The following KMT5A variants were observed in gnomAD, a reference collection of about 807,000 sequenced individuals.
The protein encoded by KMT5A is lysine methyltransferase 5A.
In KMT5A, 6 loss-of-function variants were observed where a neutral mutation model predicts 40.6. The observed-to-expected ratio is 0.15, with a 90% CI of 0.08 to 0.29. KMT5A has a LOEUF of 0.29. KMT5A is among the 10% of genes least tolerant of loss of function. KMT5A has a pLI of 1.00. For synonymous variants in KMT5A, 153 were observed against 178.8 expected, an observed-to-expected ratio of 0.86 and a Z score of 1.15; for missense variants, 308 against 459.1, an observed-to-expected ratio of 0.67 and a Z score of 3.01.
At chr12:123,403,431 A>T in intron 5 of KMT5A, 142 bp from the exon 6 acceptor site, 2 of 748,958 alleles carry the variant, frequency 2.7e-6, no homozygotes, top group South Asian at 3.4e-5. Context: ...ATCACTGGGG[A>T]CCCATCATCC....
intron 3 of KMT5A, among the ~76,000 whole-genome samples, chr12:123,394,104 C>CTTTTTTT (rs397711320): frequency 1.6e-5 from 2 of 125,076 alleles, no homozygotes; most frequent in Non-Finnish European, 3.2e-5. Flanking sequence ...ATTTTTTTTT[C>CTTTTTTT]TTTTTTTTTT....
intron 1 of KMT5A, chr12:123,388,487 C>A (rs1877002439): frequency 6.6e-6 from 1 of 152,278 alleles, no homozygotes; most frequent in Non-Finnish European, 1.5e-5. Flanking sequence ...TGACACCTGG[C>A]CCCATCACTT....
chr12:123,398,156 C>T (rs1421777943), intron 5 of KMT5A, among the ~76,000 whole-genome samples: 1 of 152,006 alleles, frequency 6.6e-6, no homozygotes, highest in Non-Finnish European at 1.5e-5. Flanking sequence ...ATGGCAGGTG[C>T]CTGTAATCCC....
At chr12:123,404,627 A>C (rs1334664445) in intron 6 of KMT5A, among the ~76,000 whole-genome samples, 1 of 152,184 alleles carries the variant, frequency 6.6e-6, no homozygotes, top group African/African-American at 2.4e-5. Context: ...CTCTGATGTA[A>C]CTGCTTTGCA....
chr12:123,408,566 CTTTTTTTTTTT>C lies in KMT5A; in HGVS notation c.*873_*883del, dbSNP rs57847836. The C allele has an allele frequency of 8.7e-5, 8 of 91,860 alleles. No individual in the cohort carries two copies. The highest frequency in any genetic ancestry group is 1.4e-4 in the Non-Finnish European group (6 of 43,648). 5.7% of individuals were successfully genotyped at this position (91,860 alleles called of 1,614,324 possible). A position where few individuals can be genotyped will look rare whatever the true frequency, so the allele number is the denominator to read the frequency against. On this transcript the variant is annotated 3_prime_UTR_variant, in exon 8 of 8. Transcript: ENST00000402868. Reference sequence around the variant, plus strand: ...GGTCTTGAAGTGAGTGAAGTGGCTGCTTTTTTTTTTTTTTTTTTTTGCTTTTTTTTGCTTTT... The same window carrying C: ...GGTCTTGAAGTGAGTGAAGTGGCTGCTTTTTTTTTGCTTTTTTTTGCTTTT...
chr12:123,390,565 T>G (rs550573271), intron 2 of KMT5A, 65 bp from the exon 3 acceptor site: 1 of 1,561,784 alleles, frequency 6.4e-7, no homozygotes, highest in Non-Finnish European at 8.7e-7. Context: ...GTATTCCTCC[T>G]CCTCGTGAAT....
rs1396531320 is a variant in KMT5A, at chr12:123,407,526, A to G, written c.882A>G (p.Gly294=). 6.2e-7 allele frequency: 1 copy of G among 1,613,884 alleles called. No individual in the cohort carries two copies. The highest frequency in any genetic ancestry group is 8.5e-7 in the Non-Finnish European group (1 of 1,179,840). ...VDATRETNRL[G]RLINHSKCGN... ...CAACTAGAGAGACAAATCGCCTAGG[A>G]AGACTGATCAATCACAGCAAATGTG... Residue 294 remains glycine, a synonymous_variant, in exon 8 of 8, where the codon GGA becomes GGG. Transcript: ENST00000402868.
intron 6 of KMT5A, 97 bp downstream of exon 6, chr12:123,403,729 C>T (rs1186485524): frequency 2.2e-6 from 3 of 1,334,420 alleles, no homozygotes; most frequent in Non-Finnish European, 3.2e-6. Context: ...TGGCTTTCAC[C>T]CTCTAATGGC....
chr12:123,390,117 C>T, intron 2 of KMT5A: 1 of 468,406 alleles, frequency 2.1e-6, no homozygotes, highest in Non-Finnish European at 4.4e-6. Context: ...CGTCGCAGCC[C>T]TGGAGGCTGC....
chr12:123,394,899 G>A lies in KMT5A; in HGVS notation c.290-148G>A, dbSNP rs529047948. On this transcript the variant is annotated intron_variant, in intron 3 of 7. Coordinates refer to ENST00000402868, the MANE Select transcript of KMT5A (RefSeq NM_020382.7). ...CACTCCCCCTGTCATAGCCCATAGC[G>A]GACACGGGGCTTAACAGGCCAAGGG... The A allele has an allele frequency of 7.2e-6, 5 of 691,610 alleles. No individual in the cohort carries two copies. In the East Asian group the frequency reaches 1.4e-4, roughly 19 times the overall value. The allele number at this position is 691,610 out of a possible 1,614,324, so 42.8% of individuals were successfully genotyped here. A position where few individuals can be genotyped will look rare whatever the true frequency, so the allele number is the denominator to read the frequency against.
At chr12:123,388,934 C>G (rs1877038639) in intron 1 of KMT5A, 1 of 145,192 alleles carries the variant, frequency 6.9e-6, no homozygotes, top group Non-Finnish European at 1.5e-5. Flanking sequence ...GGCCGGGCGC[C>G]GGACGGTGGG....
intron 3 of KMT5A, 27 bp from the exon 4 acceptor site, chr12:123,395,020 C>T: frequency 6.5e-7 from 1 of 1,536,840 alleles, no homozygotes; most frequent in Non-Finnish European, 8.8e-7. Flanking sequence ...CAGAATAAAC[C>T]CGTCTTTCCC....
At chr12:123,400,854 G>A (rs1878101758) in intron 5 of KMT5A, among the ~76,000 whole-genome samples, 1 of 151,438 alleles carries the variant, frequency 6.6e-6, no homozygotes, top group African/African-American at 2.4e-5. Flanking sequence ...TCACTCTGTT[G>A]CCCAGGCTGG....
At chr12:123,398,214 G>A (rs951836449) in intron 5 of KMT5A, among the ~76,000 whole-genome samples, 3 of 151,956 alleles carry the variant, frequency 2.0e-5, no homozygotes, top group Non-Finnish European at 4.4e-5. Flanking sequence ...CCCAGGAGAC[G>A]GTAGTTGCAG....
At chr12:123,389,639 G>A (rs1182346301) in intron 2 of KMT5A, 85 bp downstream of exon 2, 1 of 972,228 alleles carries the variant, frequency 1.0e-6, no homozygotes, top group Non-Finnish European at 1.2e-6. Context: ...GTACCCGCCC[G>A]GGGCGCCCGG....
intron 1 of KMT5A, among the ~76,000 whole-genome samples, chr12:123,387,243 T>C (rs1331407664): frequency 7.2e-5 from 11 of 152,184 alleles, no homozygotes. Flanking sequence ...ATCTTCTAGG[T>C]ACTGGAGCTG....
At chr12:123,396,093 G>A (rs141853638) in intron 4 of KMT5A, among the ~76,000 whole-genome samples, 5 of 152,176 alleles carry the variant, frequency 3.3e-5, no homozygotes, top group East Asian at 1.9e-4. Context: ...TGATCCTCCC[G>A]CCTCAGCCTC....
chr12:123,386,724 G>A (rs1485597044), intron 1 of KMT5A, among the ~76,000 whole-genome samples: 1 of 152,030 alleles, frequency 6.6e-6, no homozygotes, highest in Non-Finnish European at 1.5e-5. Flanking sequence ...TTAGTCTCAG[G>A]GGTCAGTCCA....
chr12:123,390,233 C>T (rs945338318), intron 2 of KMT5A: 3 of 440,174 alleles, frequency 6.8e-6, no homozygotes, highest in African/African-American at 6.1e-5. Flanking sequence ...AATCAGGTTC[C>T]CCGGGGCGTG....
Sources: gnomAD v4.1 joint callset for allele counts (sites outside exome capture counted in the v4.1 genomes callset) on GRCh38, gnomAD v4.1.1 for gene constraint, MANE v1.5 for transcripts, NCBI Gene and HGNC (gene_info 2026-07-23, HGNC 2026-07-21) for gene names.